Variants in DAB1 observed in about 807,000 individuals in gnomAD.
DAB1 encodes the protein disabled homolog 1.
Under a neutral mutation model 64.6 loss-of-function variants are expected in DAB1, and 15 were observed. The ratio of observed to expected loss-of-function variants is 0.23; its 90% confidence interval spans 0.16 to 0.36. DAB1 has a LOEUF of 0.36. DAB1 is among the 10% of genes least tolerant of loss of function. The pLI, the probability that DAB1 is intolerant of heterozygous loss-of-function variation, is 1.00. For missense variants in DAB1, 596 were observed against 706.7 expected (o/e 0.84, Z 1.78); for synonymous variants, 235 against 251.9 (o/e 0.93, Z 0.64).
chr1:57,478,586 CTT>C (rs35538831), intron 7 of DAB1, among the ~76,000 whole-genome samples: 220 of 81,190 alleles, frequency 2.7e-3, no homozygotes, highest in African/African-American at 0.011. Context: ...TATTCCCATT[CTT>C]TTTTTTTTTT....
At chr1:58,043,734 A>ATT (rs11440866) in intron 5 of DAB1, among the ~76,000 whole-genome samples, 1 of 147,692 alleles carries the variant, frequency 6.8e-6, no homozygotes, top group African/African-American at 2.5e-5. Context: ...CACAACCCAC[A>ATT]TTTTTTTTTT....
intron 1 of DAB1, among the ~76,000 whole-genome samples, chr1:57,347,655 T>C (rs1678226705): frequency 1.3e-5 from 2 of 152,316 alleles, no homozygotes; most frequent in Non-Finnish European, 2.9e-5. Flanking sequence ...TTCCTAGAGA[T>C]GTTTTGTTGT....
intron 6 of DAB1, among the ~76,000 whole-genome samples, chr1:57,806,871 C>A (rs75345716): frequency 0.012 from 1,844 of 152,270 alleles, 37 homozygotes; most frequent in African/African-American, 0.042. Context: ...GTTTTATATA[C>A]TTATCATATT....
intron 6 of DAB1, among the ~76,000 whole-genome samples, chr1:57,768,511 T>C (rs989139580): frequency 2.0e-5 from 3 of 150,844 alleles, no homozygotes; most frequent in Admixed American, 2.0e-4. Context: ...ATATACCACA[T>C]AGTCACATAT....
At chr1:58,507,553 T>C (rs1365288017) in intron 2 of DAB1, among the ~76,000 whole-genome samples, 1 of 152,036 alleles carries the variant, frequency 6.6e-6, no homozygotes, top group Non-Finnish European at 1.5e-5. Flanking sequence ...AGGTACTTTA[T>C]ACACTACTGC....
intron 2 of DAB1, among the ~76,000 whole-genome samples, chr1:57,179,171 G>A (rs1005115888): frequency 6.6e-5 from 10 of 151,992 alleles, no homozygotes; most frequent in Admixed American, 6.6e-5. Context: ...GGTTTGGGGG[G>A]GATTAGGAAA....
chr1:57,239,506 T>C (rs1668347479), intron 2 of DAB1, among the ~76,000 whole-genome samples: 1 of 152,170 alleles, frequency 6.6e-6, no homozygotes, highest in Non-Finnish European at 1.5e-5. Flanking sequence ...ATCTAGCTGA[T>C]TTAGGCAATG....
chr1:58,400,467 G>T (rs1267591115), intron 3 of DAB1, among the ~76,000 whole-genome samples: 1 of 152,144 alleles, frequency 6.6e-6, no homozygotes, highest in Non-Finnish European at 1.5e-5. Context: ...TCTTGGGCAG[G>T]ACAGACACCC....
Position 57,652,136 on chromosome 1 carries a change from A to G in DAB1, n.552-2471T>C, listed in dbSNP as rs1043027190. ...CCAGCTATTATTCAAAGTTCACAACATATGCAATTTCCCCAGTTACTCCTG... is the reference window on the plus strand; with the variant it reads ...CCAGCTATTATTCAAAGTTCACAACGTATGCAATTTCCCCAGTTACTCCTG... On this transcript the variant is annotated intron_variant and non_coding_transcript_variant, in intron 6 of 20. Coordinates refer to the DAB1 transcript ENST00000485760. Among the ~76,000 whole-genome samples the G allele has an allele frequency of 2.2e-4, 34 of 152,344 alleles. 1 individual carries two copies. Among genetic ancestry groups the G allele is most frequent in the Middle Eastern group, 3.4e-3 (1 of 294 alleles).
At chr1:57,359,877 TAA>T (rs1679409996) in intron 1 of DAB1, among the ~76,000 whole-genome samples, 1 of 151,996 alleles carries the variant, frequency 6.6e-6, no homozygotes, top group East Asian at 1.9e-4. Context: ...ATGTGGAATC[TAA>T]AAGAGTTGAT....
At chr1:57,742,642 C>T (rs1430379379) in intron 6 of DAB1, among the ~76,000 whole-genome samples, 1 of 152,142 alleles carries the variant, frequency 6.6e-6, no homozygotes, top group Non-Finnish European at 1.5e-5. Flanking sequence ...TCCCCTAGCA[C>T]AGACAAGGAC....
At chr1:57,366,168 C>T (rs1253984015) in intron 1 of DAB1, among the ~76,000 whole-genome samples, 1 of 152,144 alleles carries the variant, frequency 6.6e-6, no homozygotes, top group Non-Finnish European at 1.5e-5. Context: ...AGCAAAATGG[C>T]ATTACTCCAT....
At chr1:58,335,262 CAAG>C (rs1453223660) in intron 4 of DAB1, among the ~76,000 whole-genome samples, 1 of 152,066 alleles carries the variant, frequency 6.6e-6, no homozygotes, top group Non-Finnish European at 1.5e-5. Flanking sequence ...TGAGAAAAGG[CAAG>C]AAGATTTGTG....
intron 7 of DAB1, among the ~76,000 whole-genome samples, chr1:57,439,437 T>TTTTGTTTTTTGTTTTTTTTTG (rs1685844117): frequency 7.3e-6 from 1 of 136,436 alleles, no homozygotes; most frequent in Non-Finnish European, 1.6e-5. Context: ...TTTTTTTTTT[T>TTTTGTTTTTTGTTTTTTTTTG]TTTTTTTTTT....
At chr1:57,990,572 G>A (rs982896444) in intron 5 of DAB1, among the ~76,000 whole-genome samples, 1 of 152,172 alleles carries the variant, frequency 6.6e-6, no homozygotes, top group Admixed American at 6.5e-5. Flanking sequence ...GGAGGGGCCT[G>A]ACACAGGTCT....
intron 4 of DAB1, among the ~76,000 whole-genome samples, chr1:58,201,163 C>T (rs1229143274): frequency 9.2e-5 from 14 of 152,064 alleles, no homozygotes; most frequent in Non-Finnish European, 1.9e-4. Flanking sequence ...ACTACAGGTG[C>T]CCGCCACCAC....
chr1:57,816,910 C>T (rs1435666290), intron 6 of DAB1, among the ~76,000 whole-genome samples: 1 of 152,216 alleles, frequency 6.6e-6, no homozygotes, highest in Non-Finnish European at 1.5e-5. Flanking sequence ...GTGTCCTTTA[C>T]ATATCTATGT....
chr1:57,921,973 C>T (rs1458273549), intron 5 of DAB1, among the ~76,000 whole-genome samples: 4 of 152,218 alleles, frequency 2.6e-5, no homozygotes, highest in Non-Finnish European at 4.4e-5. Flanking sequence ...TTCGTATTCA[C>T]TCTTTCCTCA....
At chr1:58,079,326 C>T (rs1266714344) in intron 5 of DAB1, among the ~76,000 whole-genome samples, 1 of 152,078 alleles carries the variant, frequency 6.6e-6, no homozygotes, top group Non-Finnish European at 1.5e-5. Flanking sequence ...CTGTGCCCAT[C>T]CTCATTTGGA....
Sources: allele counts gnomAD v4.1 joint callset (sites outside exome capture counted in the v4.1 genomes callset), GRCh38; gene constraint gnomAD v4.1.1; transcripts MANE v1.5; gene names NCBI Gene and HGNC (gene_info 2026-07-23, HGNC 2026-07-21).